MCU: variants seen among roughly 807,000 people sequenced by gnomAD.
The protein encoded by MCU is mitochondrial calcium uniporter, also known as calcium uniporter protein, mitochondrial.
Under a neutral mutation model 45.2 loss-of-function variants are expected in MCU, and 12 were observed. That is an observed-to-expected ratio of 0.27 (90% CI 0.17 to 0.43). MCU has a LOEUF of 0.43. Among genes scored for constraint, MCU ranks in the 20% least tolerant of loss-of-function variants. The pLI is 1.00. For missense variants in MCU, 324 were observed against 436.7 expected (o/e 0.74, Z 2.30); for synonymous variants, 160 against 165.1 (o/e 0.97, Z 0.24).
At chr10:72,754,519 G>A (rs1843546941) in intron 1 of MCU, among the ~76,000 whole-genome samples, 2 of 152,204 alleles carry the variant, frequency 1.3e-5, no homozygotes, top group South Asian at 4.1e-4. Flanking sequence ...GGGAGGCTAA[G>A]GCAGGGGGAT....
intron 4 of MCU, among the ~76,000 whole-genome samples, chr10:72,863,537 C>A (rs1845410437): frequency 6.6e-6 from 1 of 152,174 alleles, no homozygotes; most frequent in South Asian, 2.1e-4. Context: ...TGCAAACGAA[C>A]CACATAACCT....
At position 72,710,388 on chromosome 10, in the gene MCU, A is replaced by G. The variant is rs1373676315; in HGVS notation, c.150+18087A>G. ...GGGTGTTCTTTGTAAGATGAAAAGT[A>G]GAGACAATCTGAGACCCTGAGTTAT... On this transcript the variant is annotated intron_variant, in intron 1 of 7. Coordinates refer to ENST00000373053, the MANE Select transcript of MCU (RefSeq NM_138357.3). Among the ~76,000 whole-genome samples the G allele has an allele frequency of 5.3e-5, 8 of 152,260 alleles. No individual in the cohort carries two copies. The East Asian group carries it at 1.5e-3, about 29-fold the overall frequency.
intron 1 of MCU, among the ~76,000 whole-genome samples, chr10:72,819,727 CTTTTT>C (rs71021538): frequency 5.8e-5 from 6 of 102,598 alleles, no homozygotes; most frequent in African/African-American, 1.5e-4. Context: ...TTTTTCCAGT[CTTTTT>C]TTTTTTTTTT....
chr10:72,708,805 A>G (rs924688961), intron 1 of MCU, among the ~76,000 whole-genome samples: 6 of 152,210 alleles, frequency 3.9e-5, no homozygotes, highest in African/African-American at 1.4e-4. Flanking sequence ...GCAGGACTAA[A>G]TAAAATGCTC....
At chr10:72,863,895 CA>C (rs1270138639) in intron 4 of MCU, among the ~76,000 whole-genome samples, 3 of 152,168 alleles carry the variant, frequency 2.0e-5, no homozygotes, top group Non-Finnish European at 4.4e-5. Flanking sequence ...GGATTACAGG[CA>C]TGAACCACCA....
chr10:72,813,074 A>C (rs976511825), intron 1 of MCU, among the ~76,000 whole-genome samples: 1 of 152,152 alleles, frequency 6.6e-6, no homozygotes, highest in African/African-American at 2.4e-5. Context: ...CTAGCCCAAC[A>C]TTCTGGATTT....
intron 1 of MCU, chr10:72,730,445 T>G (rs1166418679): frequency 6.6e-6 from 1 of 151,702 alleles, no homozygotes; most frequent in African/African-American, 2.4e-5. Flanking sequence ...CATGCCACCA[T>G]GCCCAGCTAA....
intron 1 of MCU, among the ~76,000 whole-genome samples, chr10:72,805,159 C>CTTTCTTTCTTTCTTTCT (rs1396432429): frequency 7.2e-6 from 1 of 137,934 alleles, no homozygotes; most frequent in African/African-American, 3.1e-5. Flanking sequence ...TTCTTTCTTT[C>CTTTCTTTCTTTCTTTCT]TGTCTCTCTC....
chr10:72,848,434 T>C (rs143543607), intron 2 of MCU, among the ~76,000 whole-genome samples: 106 of 151,914 alleles, frequency 7.0e-4, no homozygotes, highest in Admixed American at 1.4e-3. Flanking sequence ...GAGGGGAAAT[T>C]GACTTGAACT....
chr10:72,770,215 C>A (rs980385408), intron 1 of MCU, among the ~76,000 whole-genome samples: 1 of 152,110 alleles, frequency 6.6e-6, no homozygotes, highest in African/African-American at 2.4e-5. Context: ...TATGGCCTAG[C>A]ATGTGATGTC....
chr10:72,853,540 G>A (rs1040780855), intron 2 of MCU, among the ~76,000 whole-genome samples: 1 of 152,116 alleles, frequency 6.6e-6, no homozygotes, highest in African/African-American at 2.4e-5. Flanking sequence ...TAACATAAGT[G>A]TAATTGGAAT....
At chr10:72,844,726 A>G (rs1397641457) in intron 2 of MCU, among the ~76,000 whole-genome samples, 3 of 152,174 alleles carry the variant, frequency 2.0e-5, no homozygotes, top group Admixed American at 6.5e-5. Flanking sequence ...AAGCATATAG[A>G]CTTTTGGAAT....
At chr10:72,771,120 A>G (rs540897398) in intron 1 of MCU, among the ~76,000 whole-genome samples, 1 of 152,342 alleles carries the variant, frequency 6.6e-6, no homozygotes, top group East Asian at 1.9e-4. Flanking sequence ...ACATAGGTAT[A>G]CATGTGCCAT....
intron 1 of MCU, among the ~76,000 whole-genome samples, chr10:72,786,614 C>T (rs917022456): frequency 2.0e-5 from 3 of 152,054 alleles, no homozygotes; most frequent in Non-Finnish European, 4.4e-5. Flanking sequence ...GGCGTGGTGG[C>T]AGGCGCCTGT....
intron 1 of MCU, among the ~76,000 whole-genome samples, chr10:72,800,394 A>G (rs939928976): frequency 6.6e-6 from 1 of 152,244 alleles, no homozygotes; most frequent in African/African-American, 2.4e-5. Context: ...TCCCATTCCC[A>G]AAGTATCTCA....
chr10:72,766,038 T>A (rs1356569900), intron 1 of MCU, among the ~76,000 whole-genome samples: 1 of 152,056 alleles, frequency 6.6e-6, no homozygotes, highest in Non-Finnish European at 1.5e-5. Flanking sequence ...AGCTAATTTT[T>A]AAATTTTTTG....
chr10:72,751,363 T>C (rs1232506368), intron 1 of MCU, among the ~76,000 whole-genome samples: 1 of 122,072 alleles, frequency 8.2e-6, no homozygotes, highest in Non-Finnish European at 1.6e-5. Context: ...TTTTTTTTTT[T>C]TTTTTTTTGA....
At chr10:72,866,365 C>G (rs905482309) in intron 4 of MCU, among the ~76,000 whole-genome samples, 2 of 152,110 alleles carry the variant, frequency 1.3e-5, no homozygotes, top group Non-Finnish European at 2.9e-5. Context: ...ATAGAAGGCA[C>G]TAGGTTCAGG....
intron 1 of MCU, among the ~76,000 whole-genome samples, chr10:72,800,799 A>T (rs189999578): frequency 6.6e-6 from 1 of 152,338 alleles, no homozygotes; most frequent in East Asian, 1.9e-4. Context: ...AATGAAGTAC[A>T]CAATCTAAGG....
Sources: gnomAD v4.1 joint callset for allele counts (sites outside exome capture counted in the v4.1 genomes callset) on GRCh38, gnomAD v4.1.1 for gene constraint, MANE v1.5 for transcripts, NCBI Gene and HGNC (gene_info 2026-07-23, HGNC 2026-07-21) for gene names.